The following POMT2 variants were observed in gnomAD, a reference collection of about 807,000 sequenced individuals.
POMT2 encodes protein O-mannosyltransferase 2, also known as protein O-mannosyl-transferase 2.
POMT2 carries 75 observed loss-of-function variants against 100.0 expected under a neutral mutation model. That is an observed-to-expected ratio of 0.75 (90% confidence interval 0.62 to 0.91). The LOEUF (loss-of-function observed/expected upper bound fraction) is 0.91, where lower values mean the gene tolerates loss of function less well. Ranked by LOEUF, POMT2 falls within the 40% of genes least tolerant of loss-of-function variation. The pLI is 0.00. For synonymous variants in POMT2, 378 were observed against 374.1 expected (o/e 1.01, Z -0.12); for missense variants, 940 against 955.1 (o/e 0.98, Z 0.21).
At chr14:77,320,030 CAGTT>C (rs1307458673) in intron 1 of POMT2, among the ~76,000 whole-genome samples, 3 of 152,176 alleles carry the variant, frequency 2.0e-5, no homozygotes, top group Non-Finnish European at 4.4e-5. Context: ...TAAAGGTACA[CAGTT>C]AGGTATTTTC....
rs1360439307 is a variant in POMT2 at position 77,289,539 on chromosome 14, C to T, written c.1184-708G>A. On this transcript the variant is annotated intron_variant, in intron 10 of 20. Transcript: ENST00000261534. The stretch of plus-strand genomic sequence containing the variant: ...ATTCCAGGCTGGAATGTGGCCTTTA[C>T]CCGATGAGGCACTGAAGCCCCCACT... 2.0e-5 allele frequency among the ~76,000 whole-genome samples: 3 copies of T among 152,094 alleles called. No homozygotes were observed. In the East Asian group the frequency reaches 5.8e-4, roughly 29 times the overall value.
chr14:77,311,293 G>A (rs1039505372), intron 2 of POMT2, among the ~76,000 whole-genome samples: 55 of 152,232 alleles, frequency 3.6e-4, no homozygotes, highest in Admixed American at 3.6e-3. Context: ...AGCTATTTCT[G>A]CTTCATGCAA....
chr14:77,304,939 T>C, intron 3 of POMT2, 139 bp from the exon 4 acceptor site: 1 of 1,431,572 alleles, frequency 7.0e-7, no homozygotes, highest in East Asian at 2.6e-5. Context: ...CTAGGATATC[T>C]ATAACTAAGA....
At chr14:77,311,341 C>G (rs1294297752) in intron 2 of POMT2, among the ~76,000 whole-genome samples, 3 of 152,154 alleles carry the variant, frequency 2.0e-5, no homozygotes, top group African/African-American at 7.2e-5. Flanking sequence ...AAAATTCAGA[C>G]AAATTCACAT....
chr14:77,306,786 C>T (rs767750827), intron 2 of POMT2: 4 of 327,296 alleles, frequency 1.2e-5, no homozygotes, highest in East Asian at 7.9e-5. Context: ...AAATAAAACA[C>T]GGCAGCTCTT....
In POMT2 at chr14:77,284,984, G is replaced by A. The variant is rs182595587; in HGVS notation, c.1542C>T (p.Ser514=). The change falls in exon 14 of 21, where the codon TCC becomes TCT. Residue 514 remains serine, a synonymous_variant. Coordinates refer to ENST00000261534, the MANE Select transcript of POMT2 (RefSeq NM_013382.7). ...CTPYLKETLN[S]IWNVEDHINP... is the part of the protein sequence containing the mutation. ...TGATATGGTCCTCCACATTCCAGAT[G>A]GAGTTGAGGGTTTCTTTCAGGTATG... 6.2e-7 allele frequency: 1 copy of A among 1,613,348 alleles called. No homozygotes were observed. The highest frequency in any genetic ancestry group is 8.5e-7 in the Non-Finnish European group (1 of 1,179,280).
chr14:77,300,820 A>C, intron 6 of POMT2: 1 of 120,438 alleles, frequency 8.3e-6, no homozygotes, highest in Non-Finnish European at 1.7e-5. Flanking sequence ...ACTCTATCTC[A>C]AAAAAAAAAA....
intron 15 of POMT2, among the ~76,000 whole-genome samples, chr14:77,283,438 A>C (rs1268609733): frequency 6.6e-6 from 1 of 152,170 alleles, no homozygotes. Flanking sequence ...TACCTCTTAC[A>C]CTTAGCTGTG....
In POMT2 at chr14:77,320,595, T is replaced by TGCGGCCCTAGCAGCCTGGGGGCCACA. The variant is rs1404332375; in HGVS notation, c.61_86dup (p.Gly30ValfsTer44). Reference sequence around the variant, plus strand: ...CAGCCTCAGCGGCCACGTCCCGGCCTGCGGCCCTAGCAGCCTGGGGGCCAC... The same window carrying TGCGGCCCTAGCAGCCTGGGGGCCACA: ...CAGCCTCAGCGGCCACGTCCCGGCCTGCGGCCCTAGCAGCCTGGGGGCCACAGCGGCCCTAGCAGCCTGGGGGCCAC... On this transcript the variant is annotated frameshift_variant, in exon 1 of 21. Coordinates refer to ENST00000261534, the MANE Select transcript of POMT2 (RefSeq NM_013382.7). LOFTEE classifies it high-confidence loss of function. 2 of 1,584,140 alleles carry TGCGGCCCTAGCAGCCTGGGGGCCACA rather than the reference T, an allele frequency of 1.3e-6. No homozygotes were observed. Among genetic ancestry groups the TGCGGCCCTAGCAGCCTGGGGGCCACA allele is most frequent in the Non-Finnish European group, 1.7e-6 (2 of 1,172,760 alleles).
chr14:77,314,435 C>T (rs968467277), intron 1 of POMT2, among the ~76,000 whole-genome samples: 4 of 152,152 alleles, frequency 2.6e-5, no homozygotes, highest in African/African-American at 9.7e-5. Context: ...TGTCTTCTGT[C>T]AGCATGCAAA....
intron 3 of POMT2, 103 bp downstream of exon 3, chr14:77,306,234 C>A: frequency 1.3e-6 from 2 of 1,553,164 alleles, no homozygotes; most frequent in East Asian, 2.4e-5. Context: ...CCCAAAGTCC[C>A]TTTATTTGCA....
At chr14:77,281,952 T>C (rs1359723550) in intron 15 of POMT2, among the ~76,000 whole-genome samples, 4 of 152,150 alleles carry the variant, frequency 2.6e-5, no homozygotes, top group Non-Finnish European at 5.9e-5. Context: ...GGGCTGGGAA[T>C]AGTTTACAGG....
chr14:77,286,908 A>G, intron 11 of POMT2, 86 bp from the exon 12 acceptor site: 1 of 1,601,184 alleles, frequency 6.2e-7, no homozygotes, highest in South Asian at 1.1e-5. Context: ...TTCAGAGTCA[A>G]CTGTCAGGAT....
chr14:77,313,051 C>G (rs1180192428), intron 1 of POMT2, among the ~76,000 whole-genome samples: 2 of 152,192 alleles, frequency 1.3e-5, no homozygotes, highest in Non-Finnish European at 2.9e-5. Context: ...ACCACATACA[C>G]CTTTCTACAC....
chr14:77,285,710 AC>A, intron 12 of POMT2, 78 bp from the exon 13 acceptor site: 1 of 1,496,470 alleles, frequency 6.7e-7, no homozygotes, highest in Non-Finnish European at 9.3e-7. Context: ...GGAAATGGCC[AC>A]CCAGATGCCA....
chr14:77,296,223 C>T lies in POMT2; in HGVS notation c.1057G>A (p.Gly353Ser), dbSNP rs267606970. ...ITVKNLRMAI[G>S]YLHSHRHLYP... ...AGGTGCCTGTGGGAGTGCAGATAGC[C>T]GATGGCCATCCGGAGGTTCTTCACA... Residue 353 changes from glycine (G) to serine (S), a missense_variant, in exon 9 of 21, where the codon GGC becomes AGC. By Grantham distance (56) the Gly-to-Ser change is moderately conservative (BLOSUM62 0). Transcript: ENST00000261534. 27 of 1,609,298 alleles carry T rather than the reference C, an allele frequency of 1.7e-5. No homozygotes were observed. The highest frequency in any genetic ancestry group is 3.3e-5 in the South Asian group (3 of 89,610).
At chr14:77,316,668 C>T (rs1594808561) in intron 1 of POMT2, among the ~76,000 whole-genome samples, 2 of 151,826 alleles carry the variant, frequency 1.3e-5, no homozygotes, top group African/African-American at 4.8e-5. Flanking sequence ...GAGAAACAAC[C>T]TTCTCTGCTA....
intron 1 of POMT2, among the ~76,000 whole-genome samples, chr14:77,317,229 C>G (rs2139536329): frequency 6.6e-6 from 1 of 152,358 alleles, no homozygotes; most frequent in East Asian, 1.9e-4. Context: ...CTGACCACAC[C>G]TGCTCCTGGG....
chr14:77,279,030 G>A, intron 18 of POMT2, 161 bp from the exon 19 acceptor site: 1 of 1,002,478 alleles, frequency 1.0e-6, no homozygotes, highest in East Asian at 2.6e-5. Context: ...AGGAGCAGCT[G>A]GGGCTCGAGA....
Sources: gnomAD v4.1 joint callset for allele counts (sites outside exome capture counted in the v4.1 genomes callset) on GRCh38, gnomAD v4.1.1 for gene constraint, MANE v1.5 for transcripts, NCBI Gene and HGNC (gene_info 2026-07-23, HGNC 2026-07-21) for gene names.